The following FGGY variants were observed in gnomAD, a reference collection of about 807,000 sequenced individuals.
The protein encoded by FGGY is FGGY carbohydrate kinase domain-containing protein.
Under a neutral mutation model 71.3 loss-of-function variants are expected in FGGY, and 72 were observed. The ratio of observed to expected loss-of-function variants is 1.01; its 90% CI spans 0.84 to 1.23. FGGY has a LOEUF of 1.23. Ranked by LOEUF, FGGY falls within the 50% of genes most tolerant of loss-of-function variation. FGGY has a pLI of 0.00. For missense variants in FGGY, 668 were observed against 682.3 expected (o/e 0.98, Z 0.23); for synonymous variants, 251 against 250.3 (o/e 1.00, Z -0.02).
intron 14 of FGGY, among the ~76,000 whole-genome samples, chr1:59,702,967 T>C (rs1261523472): frequency 6.6e-6 from 1 of 152,154 alleles, no homozygotes; most frequent in Non-Finnish European, 1.5e-5. Flanking sequence ...TTGGACACAC[T>C]GCTGCTATTC....
intron 11 of FGGY, among the ~76,000 whole-genome samples, chr1:59,656,326 A>G (rs1259446114): frequency 6.6e-6 from 1 of 152,142 alleles, no homozygotes; most frequent in Non-Finnish European, 1.5e-5. Flanking sequence ...GGCCTATCCT[A>G]GCCTTTTCAG....
At chr1:59,407,620 A>G (rs1321107568) in intron 5 of FGGY, among the ~76,000 whole-genome samples, 1 of 152,180 alleles carries the variant, frequency 6.6e-6, no homozygotes, top group African/African-American at 2.4e-5. Context: ...TCCCTAGGAT[A>G]TAATTTTTTC....
At chr1:59,359,789 C>T (rs187804569) in intron 4 of FGGY, among the ~76,000 whole-genome samples, 8 of 152,262 alleles carry the variant, frequency 5.3e-5, no homozygotes, top group Admixed American at 5.2e-4. Context: ...TACCTGCACC[C>T]TCTTGAAAAG....
At chr1:59,335,046 TAGCTC>T (rs1168783041) in intron 2 of FGGY, among the ~76,000 whole-genome samples, 2 of 152,230 alleles carry the variant, frequency 1.3e-5, no homozygotes, top group African/African-American at 4.8e-5. Context: ...TTATCTTTCA[TAGCTC>T]AACTCGTTTT....
intron 4 of FGGY, among the ~76,000 whole-genome samples, chr1:59,359,679 G>C (rs924065169): frequency 3.3e-5 from 5 of 152,108 alleles, no homozygotes; most frequent in Non-Finnish European, 5.9e-5. Flanking sequence ...CTGTCTCTCT[G>C]AATCCTCCCT....
chr1:59,619,281 C>A (rs1490379601), intron 9 of FGGY, among the ~76,000 whole-genome samples: 1 of 152,006 alleles, frequency 6.6e-6, no homozygotes, highest in African/African-American at 2.4e-5. Context: ...CTGCACTCCA[C>A]CAAGACTCCT....
At chr1:59,650,709 A>T (rs1438536263) in intron 11 of FGGY, among the ~76,000 whole-genome samples, 1 of 127,426 alleles carries the variant, frequency 7.8e-6, no homozygotes, top group African/African-American at 3.8e-5. Flanking sequence ...CAGCTCCTGG[A>T]TTCACTGATT....
At chr1:59,360,798 T>G (rs1333169978) in intron 4 of FGGY, among the ~76,000 whole-genome samples, 2 of 152,168 alleles carry the variant, frequency 1.3e-5, no homozygotes, top group Non-Finnish European at 2.9e-5. Flanking sequence ...GGTAGGAAAT[T>G]TTAAAAATAG....
chr1:59,415,127 C>A (rs1294940513), intron 5 of FGGY, among the ~76,000 whole-genome samples: 1 of 152,158 alleles, frequency 6.6e-6, no homozygotes, highest in African/African-American at 2.4e-5. Flanking sequence ...GGTCAGCAGG[C>A]ACCGATTTCT....
intron 5 of FGGY, among the ~76,000 whole-genome samples, chr1:59,435,609 C>T (rs1189234017): frequency 6.6e-6 from 1 of 152,152 alleles, no homozygotes; most frequent in Non-Finnish European, 1.5e-5. Context: ...TATGCAGGGC[C>T]TTTCTTATTC....
chr1:59,570,499 A>G (rs1182245341), intron 8 of FGGY, among the ~76,000 whole-genome samples: 1 of 152,214 alleles, frequency 6.6e-6, no homozygotes, highest in Non-Finnish European at 1.5e-5. Flanking sequence ...TGGGTAAGAC[A>G]TACTGAGAAG....
intron 8 of FGGY, among the ~76,000 whole-genome samples, chr1:59,564,639 TGTG>T (rs767419010): frequency 5.3e-4 from 80 of 152,354 alleles, no homozygotes; most frequent in South Asian, 2.9e-3. Context: ...TGGCTGAAGT[TGTG>T]GTGATAATGT....
At chr1:59,303,387 A>G (rs948604065) in intron 1 of FGGY, among the ~76,000 whole-genome samples, 6 of 152,104 alleles carry the variant, frequency 3.9e-5, no homozygotes, top group African/African-American at 1.4e-4. Flanking sequence ...GCTTATTTCA[A>G]TAGGATGTTG....
At chr1:59,540,145 G>A (rs1008022260) in intron 7 of FGGY, among the ~76,000 whole-genome samples, 10 of 152,304 alleles carry the variant, frequency 6.6e-5, no homozygotes, top group South Asian at 6.2e-4. Context: ...TCAAACACCT[G>A]AAATGCTCAA....
At chr1:59,591,780 A>G (rs1261340347) in intron 8 of FGGY, among the ~76,000 whole-genome samples, 1 of 152,214 alleles carries the variant, frequency 6.6e-6, no homozygotes, top group Non-Finnish European at 1.5e-5. Flanking sequence ...CCTTATACAA[A>G]AGTTAATTCA....
At chr1:59,352,150 C>G (rs1409256202) in intron 4 of FGGY, among the ~76,000 whole-genome samples, 2 of 152,096 alleles carry the variant, frequency 1.3e-5, no homozygotes, top group Non-Finnish European at 2.9e-5. Context: ...TAATGAAGGC[C>G]AAATGTAAAT....
At chr1:59,602,952 C>T (rs1397478180) in intron 8 of FGGY, among the ~76,000 whole-genome samples, 4 of 152,116 alleles carry the variant, frequency 2.6e-5, no homozygotes, top group Non-Finnish European at 5.9e-5. Context: ...TAATATTTTG[C>T]CTTATTGTTA....
intron 11 of FGGY, among the ~76,000 whole-genome samples, chr1:59,644,336 A>G (rs2153903211): frequency 6.6e-6 from 1 of 152,286 alleles, no homozygotes; most frequent in Admixed American, 6.5e-5. Context: ...GACTCCTATC[A>G]TGTGACTAGC....
chr1:59,744,067 A>G (rs1367708963), intron 14 of FGGY, among the ~76,000 whole-genome samples: 1 of 152,256 alleles, frequency 6.6e-6, no homozygotes, highest in Non-Finnish European at 1.5e-5. Flanking sequence ...TTTAGAATAA[A>G]AATAACTCAC....
Sources: gnomAD v4.1 joint callset for allele counts (sites outside exome capture counted in the v4.1 genomes callset) on GRCh38, gnomAD v4.1.1 for gene constraint, MANE v1.5 for transcripts, NCBI Gene and HGNC (gene_info 2026-07-23, HGNC 2026-07-21) for gene names.